Variants in NBAS observed in about 807,000 individuals in gnomAD.
NBAS encodes NBAS subunit of NRZ tethering complex, also known as NAG/BC035112 fusion.
In NBAS, 219 loss-of-function variants were observed where a neutral mutation model predicts 302.5. The ratio of observed to expected loss-of-function variants is 0.72; its 90% CI spans 0.65 to 0.81. NBAS has a LOEUF of 0.81. Ranked by LOEUF, NBAS falls within the 30% of genes least tolerant of loss-of-function variation. The pLI, the probability that NBAS is intolerant of heterozygous loss-of-function variation, is 0.00. For synonymous variants in NBAS, 1,118 were observed against 1,021.6 expected, an observed-to-expected ratio of 1.09 and a Z score of -1.80; for missense variants, 2,932 against 2,841.6, an observed-to-expected ratio of 1.03 and a Z score of -0.72.
intron 25 of NBAS, among the ~76,000 whole-genome samples, chr2:15,403,390 C>A (rs115481844): frequency 0.024 from 3,602 of 152,300 alleles, 63 homozygotes; most frequent in Middle Eastern, 0.041. Context: ...GTGGGCTCCA[C>A]TTCCCTGGAT....
intron 44 of NBAS, among the ~76,000 whole-genome samples, chr2:15,261,229 C>A (rs1454420251): frequency 1.6e-4 from 25 of 152,218 alleles, no homozygotes; most frequent in Admixed American, 1.6e-3. Flanking sequence ...TTATGGTGTA[C>A]ACTCTCCTCA....
the NBAS span, among the ~76,000 whole-genome samples, chr2:15,098,494 AAT>A: frequency 7.0e-5 from 7 of 100,590 alleles, no homozygotes; most frequent in Non-Finnish European, 9.1e-5. Context: ...TATTGTATAT[AAT>A]ATGTTATATA....
intron 47 of NBAS, among the ~76,000 whole-genome samples, chr2:15,223,380 A>G (rs752095362): frequency 6.6e-6 from 1 of 152,144 alleles, no homozygotes; most frequent in Admixed American, 6.5e-5. Flanking sequence ...ATTTTTCAAG[A>G]TTAACAGGTA....
At chr2:15,201,885 C>T (rs2147832022) in intron 48 of NBAS, among the ~76,000 whole-genome samples, 1 of 152,318 alleles carries the variant, frequency 6.6e-6, no homozygotes, top group South Asian at 2.1e-4. Flanking sequence ...GTCCCTAGCT[C>T]ATGCAAGGGT....
chr2:15,518,344 C>T (rs1662504658), intron 9 of NBAS, among the ~76,000 whole-genome samples: 1 of 152,048 alleles, frequency 6.6e-6, no homozygotes, highest in Non-Finnish European at 1.5e-5. Context: ...TAAAAGCTAA[C>T]ATTGTAGCAA....
chr2:14,890,211 G>T, the NBAS span, among the ~76,000 whole-genome samples: 1 of 151,730 alleles, frequency 6.6e-6, no homozygotes, highest in Non-Finnish European at 1.5e-5. Flanking sequence ...TCCTTTATTC[G>T]TAGTTCCTAA....
chr2:14,938,083 G>A, the NBAS span, among the ~76,000 whole-genome samples: 145 of 151,938 alleles, frequency 9.5e-4, no homozygotes, highest in East Asian at 0.021. Context: ...AGCCAGGATC[G>A]CGCCACTGCA....
intron 44 of NBAS, among the ~76,000 whole-genome samples, chr2:15,272,803 C>T (rs1325478567): frequency 6.6e-6 from 1 of 152,170 alleles, no homozygotes; most frequent in Non-Finnish European, 1.5e-5. Flanking sequence ...CAACAAAATA[C>T]ACATATGTGC....
At chr2:14,856,069 C>A in the NBAS span, among the ~76,000 whole-genome samples, 1 of 151,434 alleles carries the variant, frequency 6.6e-6, no homozygotes, top group African/African-American at 2.4e-5. Flanking sequence ...TCACTCAGAG[C>A]AGAGAGAGAG....
Position 15,536,422 on chromosome 2 carries a change from C to A in NBAS, c.643G>T (p.Val215Leu). 6.2e-7 allele frequency: 1 copy of A among 1,612,826 alleles called. No individual in the cohort carries two copies. ...NYRGELRSYL[V>L]SVGTNQSYQE... ...GCTTCCAAAGCACATTTTTACCTTA[C>A]AAGGTAACTTCTAAGTTCTCCTCGG... Residue 215 changes from valine to leucine, a missense_variant, in exon 8 of 52, where the codon GTA becomes TTA. Coordinates refer to ENST00000281513, the MANE Select transcript of NBAS (RefSeq NM_015909.4).
At chr2:15,166,487 G>A (rs1341021199), downstream of NBAS, among the ~76,000 whole-genome samples, 6 of 152,054 alleles carry the variant, frequency 3.9e-5, no homozygotes, top group South Asian at 2.1e-4. Context: ...CTTCAGCTCC[G>A]GCTGTGTATC....
chr2:15,316,649 T>C (rs1427129050), intron 38 of NBAS, among the ~76,000 whole-genome samples: 1 of 152,192 alleles, frequency 6.6e-6, no homozygotes. Context: ...GCTAGAACTG[T>C]GAGGCAGCAG....
At chr2:15,265,609 C>T (rs542953238) in intron 44 of NBAS, among the ~76,000 whole-genome samples, 12 of 152,242 alleles carry the variant, frequency 7.9e-5, no homozygotes, top group Non-Finnish European at 1.6e-4. Flanking sequence ...AACAACAAAG[C>T]AGCAGCAACT....
At chr2:15,449,552 T>C (rs998124591) in intron 21 of NBAS, among the ~76,000 whole-genome samples, 1 of 152,004 alleles carries the variant, frequency 6.6e-6, no homozygotes, top group Non-Finnish European at 1.5e-5. Context: ...GAAATAATAC[T>C]GACTTACACC....
chr2:15,011,078 T>C, the NBAS span, among the ~76,000 whole-genome samples: 4 of 152,256 alleles, frequency 2.6e-5, no homozygotes, highest in African/African-American at 7.2e-5. Flanking sequence ...TGTTGCGGTA[T>C]TGTGGGGCCT....
chr2:15,540,790 T>C (rs1663777531), intron 6 of NBAS, among the ~76,000 whole-genome samples: 1 of 152,038 alleles, frequency 6.6e-6, no homozygotes, highest in Non-Finnish European at 1.5e-5. Flanking sequence ...TGGCGCGATC[T>C]GGGCTCACTG....
the NBAS span, among the ~76,000 whole-genome samples, chr2:14,884,709 G>A: frequency 6.6e-6 from 1 of 152,144 alleles, no homozygotes; most frequent in East Asian, 1.9e-4. Context: ...ATGAGAGGAG[G>A]CATACAGTAC....
the NBAS span, among the ~76,000 whole-genome samples, chr2:15,124,469 G>T: frequency 2.6e-5 from 4 of 152,104 alleles, no homozygotes; most frequent in Admixed American, 2.6e-4. Context: ...GCTGTAGAGC[G>T]ACCACTTGCT....
At chr2:15,002,355 C>A in the NBAS span, among the ~76,000 whole-genome samples, 4 of 152,010 alleles carry the variant, frequency 2.6e-5, no homozygotes, top group Non-Finnish European at 4.4e-5. Context: ...CTGAGCTAGA[C>A]ACAGGGGGTT....
Sources: gnomAD v4.1 joint callset for allele counts (sites outside exome capture counted in the v4.1 genomes callset) on GRCh38, gnomAD v4.1.1 for gene constraint, MANE v1.5 for transcripts, NCBI Gene and HGNC (gene_info 2026-07-23, HGNC 2026-07-21) for gene names.